Variants in ROBO2 observed in about 807,000 individuals in gnomAD.
ROBO2 encodes roundabout homolog 2.
A neutral mutation model predicts 160.8 loss-of-function variants in ROBO2; 53 were observed. The ratio of observed to expected loss-of-function variants is 0.33; its 90% CI spans 0.26 to 0.41. ROBO2 has a LOEUF of 0.41. Ranked by LOEUF, ROBO2 falls within the 10% of genes least tolerant of loss-of-function variation. The probability of loss-of-function intolerance (pLI) is 1.00; values close to 1 mark genes in which losing one functional copy is unlikely to be tolerated. For synonymous variants in ROBO2, 664 were observed against 611.7 expected (o/e 1.09, Z -1.26); for missense variants, 1,577 against 1,722.4 (o/e 0.92, Z 1.49).
chr3:76,081,888 G>T (rs2068845846), intron 2 of ROBO2, among the ~76,000 whole-genome samples: 1 of 150,926 alleles, frequency 6.6e-6, no homozygotes, highest in African/African-American at 2.4e-5. Context: ...AAAGATAAAG[G>T]AAAACCCCAA....
chr3:76,569,173 T>C (rs2084798848), intron 2 of ROBO2, among the ~76,000 whole-genome samples: 1 of 152,130 alleles, frequency 6.6e-6, no homozygotes, highest in African/African-American at 2.4e-5. Context: ...GAAGACAGTT[T>C]GGAGACAGGT....
intron 2 of ROBO2, among the ~76,000 whole-genome samples, chr3:76,924,319 C>T (rs576238818): frequency 6.6e-6 from 1 of 152,282 alleles, no homozygotes; most frequent in South Asian, 2.1e-4. Flanking sequence ...GCGGCATTCT[C>T]ATGAATGAGA....
At chr3:77,129,774 G>A (rs556796808) in intron 2 of ROBO2, among the ~76,000 whole-genome samples, 9 of 152,114 alleles carry the variant, frequency 5.9e-5, no homozygotes, top group African/African-American at 1.7e-4. Flanking sequence ...TGGTTTTGCC[G>A]GGATTCAGAA....
chr3:77,411,404 G>A (rs965367366), intron 2 of ROBO2, among the ~76,000 whole-genome samples: 1 of 152,154 alleles, frequency 6.6e-6, no homozygotes, highest in Non-Finnish European at 1.5e-5. Flanking sequence ...ATTTGTGTAT[G>A]TGAAAAATGG....
chr3:76,854,018 TTCTCTCTCTCTCTCTCTCTCTCTCTC>T (rs573633101), intron 2 of ROBO2, among the ~76,000 whole-genome samples: 57 of 117,266 alleles, frequency 4.9e-4, no homozygotes, highest in African/African-American at 1.8e-3. Flanking sequence ...AGCATAGACT[TTCTCTCTCTCTCTCTCTCTCTCTCTC>T]TCTCTCTCTC....
At chr3:77,071,936 C>A (rs547377280) in intron 1 of ROBO2, among the ~76,000 whole-genome samples, 100 of 152,244 alleles carry the variant, frequency 6.6e-4, no homozygotes, top group African/African-American at 2.3e-3. Flanking sequence ...GAGTCTCCAA[C>A]CCCTGGGCCC....
chr3:76,930,078 C>G (rs977328549), intron 2 of ROBO2, among the ~76,000 whole-genome samples: 2 of 152,124 alleles, frequency 1.3e-5, no homozygotes, highest in Non-Finnish European at 2.9e-5. Flanking sequence ...GGCTGGAGTG[C>G]AGTGCCGTGA....
At chr3:76,188,978 A>G (rs1313575525) in intron 2 of ROBO2, among the ~76,000 whole-genome samples, 1 of 152,140 alleles carries the variant, frequency 6.6e-6, no homozygotes, top group Non-Finnish European at 1.5e-5. Flanking sequence ...AGGTTATTGT[A>G]TCTTGTAATC....
At chr3:76,384,342 G>T (rs539799346) in intron 2 of ROBO2, among the ~76,000 whole-genome samples, 3 of 151,986 alleles carry the variant, frequency 2.0e-5, no homozygotes, top group Non-Finnish European at 4.4e-5. Flanking sequence ...TGATTTACTG[G>T]GTATATGTTA....
intron 2 of ROBO2, among the ~76,000 whole-genome samples, chr3:76,143,839 C>T (rs1326599207): frequency 6.6e-6 from 1 of 152,016 alleles, no homozygotes; most frequent in Non-Finnish European, 1.5e-5. Context: ...GGTACAGTTC[C>T]CGTCTGAGTT....
chr3:77,039,260 C>T (rs1247105965), upstream of ROBO2, among the ~76,000 whole-genome samples: 1 of 152,198 alleles, frequency 6.6e-6, no homozygotes, highest in Non-Finnish European at 1.5e-5. Context: ...CCAAAAGGTG[C>T]TTCTATTTCC....
intron 3 of ROBO2, among the ~76,000 whole-genome samples, chr3:77,478,335 T>C (rs73103671): frequency 0.017 from 2,549 of 152,318 alleles, 28 homozygotes; most frequent in Non-Finnish European, 0.026. Flanking sequence ...AACAGTAAAA[T>C]TTTATACATG....
chr3:76,142,261 TC>T (rs1284284028), intron 2 of ROBO2, among the ~76,000 whole-genome samples: 1 of 151,936 alleles, frequency 6.6e-6, no homozygotes, highest in Non-Finnish European at 1.5e-5. Context: ...GTATGGAGGT[TC>T]CTCAAAAAAA....
intron 2 of ROBO2, among the ~76,000 whole-genome samples, chr3:76,495,321 T>C (rs1336764725): frequency 1.3e-5 from 2 of 151,926 alleles, no homozygotes; most frequent in Admixed American, 6.6e-5. Flanking sequence ...ATATCTCATT[T>C]AGTGGTTGAA....
intron 2 of ROBO2, among the ~76,000 whole-genome samples, chr3:76,631,447 C>T (rs2090025305): frequency 6.6e-6 from 1 of 151,898 alleles, no homozygotes; most frequent in Non-Finnish European, 1.5e-5. Context: ...AAGTATTTTG[C>T]AGCCCAAGGG....
chr3:76,104,512 G>T (rs553412905), intron 2 of ROBO2, among the ~76,000 whole-genome samples: 69 of 152,292 alleles, frequency 4.5e-4, no homozygotes, highest in African/African-American at 1.6e-3. Context: ...CCTATGGAAA[G>T]TTAATTGGTT....
intron 2 of ROBO2, among the ~76,000 whole-genome samples, chr3:77,434,716 T>TG (rs1346933842): frequency 6.6e-6 from 1 of 152,146 alleles, no homozygotes; most frequent in Non-Finnish European, 1.5e-5. Flanking sequence ...TTCCAGCTAC[T>TG]GGATCCTAGG....
In ROBO2 at chr3:76,273,633, C is replaced by T. The variant is rs890160090; in HGVS notation, c.109+336031C>T. Among the ~76,000 whole-genome samples, 6 of 152,232 alleles carry T rather than the reference C, an allele frequency of 3.9e-5. No individual in the cohort carries two copies. In the South Asian group the frequency reaches 1.2e-3, roughly 32 times the overall value. ...AGCCCCTCTTAAAACCATCAGATCT[C>T]ATGAGAACTCACTCACGATCATGAG... On this transcript the variant is annotated intron_variant, in intron 2 of 26. Transcript: ENST00000487694.
At chr3:76,567,807 A>ATATT (rs1483342803) in intron 2 of ROBO2, among the ~76,000 whole-genome samples, 1 of 72,366 alleles carries the variant, frequency 1.4e-5, no homozygotes, top group African/African-American at 5.3e-5. Context: ...GTATATATAT[A>ATATT]TTTTTTTTTT....
Sources: allele counts gnomAD v4.1 joint callset (sites outside exome capture counted in the v4.1 genomes callset), GRCh38; gene constraint gnomAD v4.1.1; transcripts MANE v1.5; gene names NCBI Gene and HGNC (gene_info 2026-07-23, HGNC 2026-07-21).